The following PTPDC1 variants were observed in gnomAD, a reference collection of about 807,000 sequenced individuals.
The protein encoded by PTPDC1 is protein tyrosine phosphatase domain containing 1, also known as protein tyrosine phosphatase domain-containing protein 1.
A neutral mutation model predicts 75.3 loss-of-function variants in PTPDC1; 53 were observed. That is an observed-to-expected ratio of 0.70 (90% confidence interval 0.56 to 0.88). The LOEUF (loss-of-function observed/expected upper bound fraction) is 0.88. PTPDC1 is among the 40% of genes least tolerant of loss of function. The pLI, the probability that PTPDC1 is intolerant of heterozygous loss-of-function variation, is 0.00. For synonymous variants in PTPDC1, 349 were observed against 366.2 expected (o/e 0.95, Z 0.54); for missense variants, 925 against 998.6 (o/e 0.93, Z 0.99).
At chr9:94,068,371 C>A (rs1826391114) in intron 2 of PTPDC1, among the ~76,000 whole-genome samples, 1 of 152,206 alleles carries the variant, frequency 6.6e-6, no homozygotes, top group South Asian at 2.1e-4. Flanking sequence ...ACCTTTATGA[C>A]CTTAACATTT....
chr9:94,074,171 GTTC>G (rs1178210349), intron 2 of PTPDC1, among the ~76,000 whole-genome samples: 2 of 152,144 alleles, frequency 1.3e-5, no homozygotes, highest in Non-Finnish European at 2.9e-5. Flanking sequence ...GTCAGGCAGT[GTTC>G]TTCTTGAAGC....
At chr9:94,051,994 TA>T (rs1352177086) in intron 1 of PTPDC1, among the ~76,000 whole-genome samples, 1 of 152,184 alleles carries the variant, frequency 6.6e-6, no homozygotes, top group Non-Finnish European at 1.5e-5. Context: ...CTTTTACTGC[TA>T]TAAGTTTCTC....
intron 4 of PTPDC1, among the ~76,000 whole-genome samples, chr9:94,091,054 C>G (rs1272776531): frequency 6.6e-6 from 1 of 151,902 alleles, no homozygotes; most frequent in Admixed American, 6.6e-5. Flanking sequence ...TCCTCTTTTC[C>G]CAATTGAATA....
At chr9:94,058,537 GA>G (rs1363885854) in intron 1 of PTPDC1, among the ~76,000 whole-genome samples, 4,217 of 134,306 alleles carry the variant, frequency 0.031, 189 homozygotes, top group African/African-American at 0.11. Flanking sequence ...CATCTCTACT[GA>G]AAAAAAAAAA....
chr9:94,035,940 T>C (rs935064374), intron 1 of PTPDC1, among the ~76,000 whole-genome samples: 6 of 152,134 alleles, frequency 3.9e-5, no homozygotes, highest in African/African-American at 1.2e-4. Flanking sequence ...TGAGCACTTT[T>C]TCATGTACCT....
Position 94,085,362 on chromosome 9 carries a change from A to G in PTPDC1, c.356A>G (p.Tyr119Cys), listed in dbSNP as rs771053342. 1.2e-6 allele frequency: 2 copies of G among 1,614,232 alleles called. No individual in the cohort carries two copies. Among genetic ancestry groups the G allele is most frequent in the Admixed American group, 1.7e-5 (1 of 60,028 alleles). ...GCGTGTGGCGGTAGAGCTTGCAAGT[A>G]TGAGAACCCAGCCCGCTGGAGTGAG... ...SMACGGRACK[Y>C]ENPARWSEQE... The change falls in exon 2 of 9, where the codon TAT (tyrosine) becomes TGT (cysteine). Residue 119 changes from tyrosine to cysteine, a missense_variant. By Grantham distance (194) the Tyr-to-Cys change is radical (BLOSUM62 -2). Coordinates refer to ENST00000620992, the MANE Select transcript of PTPDC1 (RefSeq NM_001253829.2).
At position 94,084,622 on chromosome 9, in the gene PTPDC1, T is replaced by A. The variant is rs1288425965; in HGVS notation, c.92T>A (p.Val31Glu). The change falls in exon 1 of 9, where the codon GTA becomes GAA. Residue 31 changes from valine to glutamate, a missense_variant. Physicochemically the swap from Val to Glu is moderately radical, Grantham distance 121. Coordinates refer to ENST00000620992, the MANE Select transcript of PTPDC1 (RefSeq NM_001253829.2). ...CGCCGGCACTCCACCTCAGACCCAG[T>A]ACTGCGGCTGCAGCAGGCCCGGCGG... ...QGRRHSTSDP[V>E]LRLQQARRGS... 1 of 1,613,584 alleles carries A rather than the reference T, an allele frequency of 6.2e-7. No homozygotes were observed. Among genetic ancestry groups the A allele is most frequent in the Admixed American group, 1.7e-5 (1 of 59,984 alleles).
At chr9:94,091,166 C>A (rs1188994662) in intron 4 of PTPDC1, among the ~76,000 whole-genome samples, 3 of 151,192 alleles carry the variant, frequency 2.0e-5, no homozygotes, top group Admixed American at 2.0e-4. Context: ...TGCCAGTTTT[C>A]AAAGGGAATG....
Position 94,084,559 on chromosome 9 carries a change from C to T in PTPDC1, c.29C>T (p.Pro10Leu), listed in dbSNP as rs780054035. 4 of 1,612,930 alleles carry T rather than the reference C, an allele frequency of 2.5e-6. No homozygotes were observed. The highest frequency in any genetic ancestry group is 3.4e-6 in the Non-Finnish European group (4 of 1,180,022). MQVQDATRR[P>L]SAVRFLSSFL... Reference sequence around the variant, plus strand: ...CAGGTGCAGGATGCAACCAGGCGGCCCTCAGCCGTGCGCTTCCTCAGCTCC... The same window carrying T: ...CAGGTGCAGGATGCAACCAGGCGGCTCTCAGCCGTGCGCTTCCTCAGCTCC... The change falls in exon 1 of 9, where the codon CCC becomes CTC. Residue 10 changes from proline to leucine, a missense_variant. By Grantham distance (98) the Pro-to-Leu change is moderately conservative. Coordinates refer to ENST00000620992, the MANE Select transcript of PTPDC1 (RefSeq NM_001253829.2).
intron 8 of PTPDC1, among the ~76,000 whole-genome samples, chr9:94,105,952 G>A (rs547839736): frequency 1.6e-4 from 24 of 151,020 alleles, no homozygotes; most frequent in Non-Finnish European, 2.9e-4. Flanking sequence ...CAGCCTGGGC[G>A]ACAGAGCAAG....
Position 94,098,010 on chromosome 9 carries a change from A to C in PTPDC1, c.1444A>C (p.Lys482Gln), listed in dbSNP as rs778725878. Reference protein sequence around the residue: ...ILVGHKPRQQKLISHCYIPQS... With the variant: ...ILVGHKPRQQQLISHCYIPQS... ...GGTTGGCCACAAGCCCAGGCAGCAG[A>C]AGCTCATAAGCCATTGTTACATCCC... The change falls in exon 6 of 9, where the codon AAG (lysine) becomes CAG (glutamine). Residue 482 changes from lysine to glutamine, a missense_variant. By Grantham distance (53) the Lys-to-Gln change is moderately conservative. Coordinates refer to ENST00000620992, the MANE Select transcript of PTPDC1 (RefSeq NM_001253829.2). The C allele has an allele frequency of 6.2e-7, 1 of 1,614,200 alleles. No individual in the cohort carries two copies. The highest frequency in any genetic ancestry group is 1.1e-5 in the South Asian group (1 of 91,078).
chr9:94,033,937 C>A (rs1441882960), intron 1 of PTPDC1, among the ~76,000 whole-genome samples: 1 of 152,100 alleles, frequency 6.6e-6, no homozygotes, highest in Non-Finnish European at 1.5e-5. Flanking sequence ...GTTAATTTAG[C>A]AGATATTTAT....
chr9:94,043,507 T>C (rs1825493847), intron 1 of PTPDC1, among the ~76,000 whole-genome samples: 1 of 152,196 alleles, frequency 6.6e-6, no homozygotes, highest in Non-Finnish European at 1.5e-5. Context: ...GGATATACCC[T>C]TCCTCTTTGC....
intron 2 of PTPDC1, among the ~76,000 whole-genome samples, chr9:94,067,177 C>T (rs1826336581): frequency 6.6e-6 from 1 of 152,022 alleles, no homozygotes; most frequent in African/African-American, 2.4e-5. Context: ...ATCATAAGAT[C>T]AGGAGTTCGA....
At chr9:94,033,473 C>T (rs1276092528) in intron 1 of PTPDC1, among the ~76,000 whole-genome samples, 2 of 152,240 alleles carry the variant, frequency 1.3e-5, no homozygotes, top group South Asian at 2.1e-4. Context: ...AAGGAAGAAC[C>T]GGTGTTCTAA....
At position 94,048,198 on chromosome 9, in the gene PTPDC1, A is replaced by G. The variant is rs1193380508; in HGVS notation, c.-6-16536A>G. 3.3e-5 allele frequency among the ~76,000 whole-genome samples: 5 copies of G among 151,912 alleles called. No homozygotes were observed. The East Asian group carries it at 9.7e-4, about 29-fold the overall frequency. On this transcript the variant is annotated intron_variant, in intron 1 of 9. Coordinates refer to the PTPDC1 transcript ENST00000375360. ...TTTTTGAAGGGTTTTTTGTGTCTCT[A>G]TTTCCTTCAGTTCTGCTCTGATCTT...
intron 2 of PTPDC1, among the ~76,000 whole-genome samples, chr9:94,069,376 T>C (rs540083165): frequency 8.5e-5 from 13 of 152,328 alleles, no homozygotes; most frequent in African/African-American, 3.1e-4. Context: ...ATCTTGCATA[T>C]ACTGTATTTT....
At chr9:94,060,244 A>G (rs1826085735) in intron 1 of PTPDC1, among the ~76,000 whole-genome samples, 1 of 152,206 alleles carries the variant, frequency 6.6e-6, no homozygotes, top group Non-Finnish European at 1.5e-5. Flanking sequence ...TAGAAATTAC[A>G]GAGTGGTAAT....
At position 94,104,275 on chromosome 9, in the gene PTPDC1, G is replaced by T; in HGVS notation, c.2200G>T (p.Gly734Ter). 1 of 1,601,412 alleles carries T rather than the reference G, an allele frequency of 6.2e-7. No individual in the cohort carries two copies. The highest frequency in any genetic ancestry group is 8.5e-7 in the Non-Finnish European group (1 of 1,171,408). The change falls in exon 8 of 9, where the codon GGA (glycine) becomes TGA (stop). Residue 734 changes from glycine to a stop codon, truncating the protein, a stop_gained and splice_region_variant. Transcript: ENST00000620992. LOFTEE classifies it high-confidence loss of function. ...AAEALFLLEK[G>*]QHQTILCVLH... ...TAAATTTTGATTTCTACAAAAACAG[G>T]GACAGCACCAGACTATTCTCTGCGT...
Sources: allele counts gnomAD v4.1 joint callset (sites outside exome capture counted in the v4.1 genomes callset), GRCh38; gene constraint gnomAD v4.1.1; transcripts MANE v1.5; gene names NCBI Gene and HGNC (gene_info 2026-07-23, HGNC 2026-07-21).